Variants in PIK3R5 observed in about 807,000 individuals in gnomAD.
PIK3R5 encodes phosphoinositide 3-kinase regulatory subunit 5.
A neutral mutation model predicts 94.9 loss-of-function variants in PIK3R5; 32 were observed. The ratio of observed to expected loss-of-function variants is 0.34; its 90% CI spans 0.25 to 0.45. PIK3R5 has a LOEUF of 0.45. Among genes scored for constraint, PIK3R5 ranks in the 20% least tolerant of loss-of-function variants. The pLI, the probability that PIK3R5 is intolerant of heterozygous loss-of-function variation, is 1.00. For missense variants in PIK3R5, 853 were observed against 1,144.6 expected (o/e 0.75, Z 3.68); for synonymous variants, 443 against 479.4 (o/e 0.92, Z 0.99).
At chr17:8,960,607 C>T (rs899512891) in intron 1 of PIK3R5, among the ~76,000 whole-genome samples, 7 of 152,226 alleles carry the variant, frequency 4.6e-5, no homozygotes, top group Non-Finnish European at 1.0e-4. Flanking sequence ...GCCAGATTTC[C>T]ATCCCACAGA....
chr17:8,955,192 C>T lies in PIK3R5; in HGVS notation c.-14+10404G>A, dbSNP rs1350004306. On this transcript the variant is annotated intron_variant, in intron 1 of 18. Transcript: ENST00000447110. The surrounding 1 kb of genome is among the most constrained non-coding windows in gnomAD (Gnocchi z 4.4). ...GGTCTCAGATGGGGAGCAGCCCAGC[C>T]TGCCCGATCATCAGTCATCCAAGGC... 6.6e-6 allele frequency among the ~76,000 whole-genome samples: 1 copy of T among 152,186 alleles called. No homozygotes were observed. Among genetic ancestry groups the T allele is most frequent in the Non-Finnish European group, 1.5e-5 (1 of 68,030 alleles).
intron 5 of PIK3R5, among the ~76,000 whole-genome samples, chr17:8,895,970 T>C (rs1433776627): frequency 6.6e-6 from 1 of 152,136 alleles, no homozygotes; most frequent in African/African-American, 2.4e-5. Flanking sequence ...CTCTTGGTAA[T>C]GGACCTCCCT....
chr17:8,888,076 G>A lies in PIK3R5; in HGVS notation c.1616+95C>T, dbSNP rs1251724839. 1 of 690,688 alleles carries A rather than the reference G, an allele frequency of 1.4e-6. No homozygotes were observed. Among genetic ancestry groups the A allele is most frequent in the African/African-American group, 1.9e-5 (1 of 54,028 alleles). 42.8% of individuals were successfully genotyped at this position (690,688 alleles called of 1,614,324 possible). On this transcript the variant is annotated intron_variant, in intron 10 of 18. Coordinates refer to ENST00000447110, the MANE Select transcript of PIK3R5 (RefSeq NM_001142633.3). The surrounding 1 kb of genome is among the most constrained non-coding windows in gnomAD (Gnocchi z 7.8). ...ATAAAAATAAATAAGGGAACTTTTGGTTCCTCTGGGGCCCTAAGCCTCAGG... is the reference window on the plus strand; with the variant it reads ...ATAAAAATAAATAAGGGAACTTTTGATTCCTCTGGGGCCCTAAGCCTCAGG...
At chr17:8,891,393 C>G (rs1198597133) in intron 6 of PIK3R5, among the ~76,000 whole-genome samples, 2 of 151,924 alleles carry the variant, frequency 1.3e-5, no homozygotes. Flanking sequence ...CTGCATCTGC[C>G]CGGAGGAGGG....
chr17:8,938,655 T>C (rs553217156), intron 1 of PIK3R5, among the ~76,000 whole-genome samples: 1 of 152,376 alleles, frequency 6.6e-6, no homozygotes, highest in South Asian at 2.1e-4. Flanking sequence ...GCATCTGGTT[T>C]GTTTCACTTA....
rs9902600 is a variant in PIK3R5 at position 8,881,775 on chromosome 17, C to T, written c.2299+13G>A. The T allele has an allele frequency of 0.24, 390,016 of 1,612,678 alleles. 49,975 individuals carry two copies. The highest frequency in any genetic ancestry group is 0.26 in the Non-Finnish European group (309,246 of 1,178,948). ...CTCCCTACTGCACACCCCACACTGA[C>T]CACCCCACTCACCCAGCTCCTCCTG... On this transcript the variant is annotated intron_variant, in intron 16 of 18. Coordinates refer to ENST00000447110, the MANE Select transcript of PIK3R5 (RefSeq NM_001142633.3). The surrounding 1 kb of genome is among the most constrained non-coding windows in gnomAD (Gnocchi z 4.8).
intron 1 of PIK3R5, among the ~76,000 whole-genome samples, chr17:8,961,685 G>A (rs935516617): frequency 6.6e-6 from 1 of 152,134 alleles, no homozygotes; most frequent in Non-Finnish European, 1.5e-5. Flanking sequence ...TCACGCAGAT[G>A]TGTAATCTTA....
At chr17:8,959,505 C>T (rs1394987883) in intron 1 of PIK3R5, among the ~76,000 whole-genome samples, 3 of 152,128 alleles carry the variant, frequency 2.0e-5, no homozygotes, top group East Asian at 1.9e-4. Context: ...TCGCTTTCAT[C>T]AGTTTTTCAA....
In PIK3R5 at chr17:8,925,157, G is replaced by C. The variant is rs577077960; in HGVS notation, c.-13-13650C>G. On this transcript the variant is annotated intron_variant, in intron 1 of 18. Coordinates refer to ENST00000447110, the MANE Select transcript of PIK3R5 (RefSeq NM_001142633.3). The surrounding 1 kb of genome is among the most constrained non-coding windows in gnomAD (Gnocchi z 5.1). ...TAGATAGTAGATGAATAGATAGCTA[G>C]ATAGTAGATGGATAGATGGGTAGAT... Among the ~76,000 whole-genome samples, 53 of 152,104 alleles carry C rather than the reference G, an allele frequency of 3.5e-4. No individual in the cohort carries two copies. Among genetic ancestry groups the C allele is most frequent in the African/African-American group, 1.2e-3 (50 of 41,520 alleles).
intron 5 of PIK3R5, among the ~76,000 whole-genome samples, chr17:8,901,013 C>T (rs1341213406): frequency 6.6e-6 from 1 of 152,178 alleles, no homozygotes; most frequent in Non-Finnish European, 1.5e-5. Flanking sequence ...ATTTTAAATT[C>T]TTTCTCTGAG....
chr17:8,881,097 T>G lies in PIK3R5; in HGVS notation c.2383-80A>C. 9.6e-7 allele frequency: 1 copy of G among 1,040,482 alleles called. No homozygotes were observed. Among genetic ancestry groups the G allele is most frequent in the Non-Finnish European group, 1.5e-6 (1 of 660,338 alleles). 64.5% of individuals were successfully genotyped at this position (1,040,482 alleles called of 1,614,324 possible). A position where few individuals can be genotyped will look rare whatever the true frequency, so the allele number is the denominator to read the frequency against. Reference sequence around the variant, plus strand: ...CCCTGGCAGTTCCTTTTCTCAGAACTGCCCATCCACTTCTAGGGGTGTGGG... The same window carrying G: ...CCCTGGCAGTTCCTTTTCTCAGAACGGCCCATCCACTTCTAGGGGTGTGGG... On this transcript the variant is annotated intron_variant, in intron 17 of 18. Transcript: ENST00000447110. The surrounding 1 kb of genome is among the most constrained non-coding windows in gnomAD (Gnocchi z 4.8).
intron 1 of PIK3R5, among the ~76,000 whole-genome samples, chr17:8,927,056 G>C (rs1277315006): frequency 6.6e-6 from 1 of 152,068 alleles, no homozygotes; most frequent in Non-Finnish European, 1.5e-5. Flanking sequence ...AGGCACACAG[G>C]CTAGGGACCC....
chr17:8,950,632 C>A (rs931623595), intron 1 of PIK3R5, among the ~76,000 whole-genome samples: 3 of 152,152 alleles, frequency 2.0e-5, no homozygotes, highest in Non-Finnish European at 4.4e-5. Flanking sequence ...TGACTTCATT[C>A]TTTTTTACGG....
intron 1 of PIK3R5, among the ~76,000 whole-genome samples, chr17:8,951,953 G>A (rs1294116721): frequency 6.6e-6 from 1 of 152,196 alleles, no homozygotes; most frequent in Admixed American, 6.5e-5. Context: ...ACATTGATAA[G>A]TGCAATTTCC....
chr17:8,911,370 TC>T lies in PIK3R5; in HGVS notation c.103+21del. On this transcript the variant is annotated intron_variant, in intron 2 of 18. Transcript: ENST00000447110. The surrounding 1 kb of genome is among the most constrained non-coding windows in gnomAD (Gnocchi z 5.3). ...AGGCTTCCTTGAGCCCTCAAACACCTCCCCGGCTCCCTTGGACCGACCTGAC... is the reference window on the plus strand; with the variant it reads ...AGGCTTCCTTGAGCCCTCAAACACCTCCCGGCTCCCTTGGACCGACCTGAC... 1 of 1,587,380 alleles carries T rather than the reference TC, an allele frequency of 6.3e-7. No homozygotes were observed. The highest frequency in any genetic ancestry group is 8.6e-7 in the Non-Finnish European group (1 of 1,169,388).
At chr17:8,961,959 C>T (rs376572417) in intron 1 of PIK3R5, among the ~76,000 whole-genome samples, 1 of 152,218 alleles carries the variant, frequency 6.6e-6, no homozygotes, top group African/African-American at 2.4e-5. Context: ...AACCTAGCTG[C>T]TATCCTACAA....
rs1348045077 is a variant in PIK3R5 at position 8,896,247 on chromosome 17, G to A, written c.413-2592C>T. Among the ~76,000 whole-genome samples, 1 of 152,102 alleles carries A rather than the reference G, an allele frequency of 6.6e-6. No individual in the cohort carries two copies. The highest frequency in any genetic ancestry group is 1.5e-5 in the Non-Finnish European group (1 of 68,028). ...TGGTGATGCCAGGGAGGCCATGAATGCTAAGTGGGGTGTGCAATGTCAGTT... is the reference window on the plus strand; with the variant it reads ...TGGTGATGCCAGGGAGGCCATGAATACTAAGTGGGGTGTGCAATGTCAGTT... On this transcript the variant is annotated intron_variant, in intron 5 of 18. Coordinates refer to ENST00000447110, the MANE Select transcript of PIK3R5 (RefSeq NM_001142633.3). The surrounding 1 kb of genome is among the most constrained non-coding windows in gnomAD (Gnocchi z 4.0).
intron 14 of PIK3R5, among the ~76,000 whole-genome samples, chr17:8,885,919 G>A (rs1490997008): frequency 1.8e-5 from 2 of 110,566 alleles, no homozygotes; most frequent in East Asian, 2.8e-4. Context: ...CCCACCTACC[G>A]GACAACCCCG....
chr17:8,884,886 A>G lies in PIK3R5; in HGVS notation c.2129-103T>C. 1.1e-6 allele frequency: 1 copy of G among 891,942 alleles called. No individual in the cohort carries two copies. The highest frequency in any genetic ancestry group is 1.8e-6 in the Non-Finnish European group (1 of 547,168). 55.3% of individuals were successfully genotyped at this position (891,942 alleles called of 1,614,324 possible). On this transcript the variant is annotated intron_variant, in intron 14 of 18. Transcript: ENST00000447110. The surrounding 1 kb of genome is among the most constrained non-coding windows in gnomAD (Gnocchi z 5.8). ...GGGCCTTACCTCCCCATCCCCTACC[A>G]CATGGACCGTGACTCCCTAGGGATC... is the stretch of plus-strand genomic sequence containing the variant.
Sources: gnomAD v4.1 joint callset for allele counts (sites outside exome capture counted in the v4.1 genomes callset) on GRCh38, gnomAD v4.1.1 for gene constraint, Gnocchi (gnomAD v3.1) non-coding constraint, MANE v1.5 for transcripts, NCBI Gene and HGNC (gene_info 2026-07-23, HGNC 2026-07-21) for gene names.